The following SLC38A1 variants were observed in gnomAD, a reference collection of about 807,000 sequenced individuals.
SLC38A1 encodes sodium-coupled neutral amino acid symporter 1.
SLC38A1 carries 18 observed loss-of-function variants against 60.3 expected under a neutral mutation model. The ratio of observed to expected loss-of-function variants is 0.30; its 90% CI spans 0.21 to 0.44. The LOEUF is 0.44. Among genes scored for constraint, SLC38A1 ranks in the 20% least tolerant of loss-of-function variants. SLC38A1 has a pLI of 1.00. For missense variants in SLC38A1, 448 were observed against 587.2 expected, an observed-to-expected ratio of 0.76 and a Z score of 2.45; for synonymous variants, 196 against 212.1, an observed-to-expected ratio of 0.92 and a Z score of 0.66.
chr12:46,253,140 A>G, intron 1 of SLC38A1, among the ~76,000 whole-genome samples: 1 of 152,154 alleles, frequency 6.6e-6, no homozygotes, highest in East Asian at 1.9e-4. Flanking sequence ...GAGCAAATGT[A>G]CAACATGAGG....
chr12:46,193,130 C>T (rs10880933), intron 16 of SLC38A1, among the ~76,000 whole-genome samples: 81,670 of 152,054 alleles, frequency 0.54, 23,501 homozygotes, highest in African/African-American at 0.76. Context: ...TGGTACATTG[C>T]GTCTTGGTTC....
Position 46,184,035 on chromosome 12 carries a change from A to G in SLC38A1, c.*4935T>C, listed in dbSNP as rs1332165955. 1 of 152,660 alleles carries G rather than the reference A, an allele frequency of 6.6e-6. No individual in the cohort carries two copies. The highest frequency in any genetic ancestry group is 1.5e-5 in the Non-Finnish European group (1 of 68,042). 9.5% of individuals were successfully genotyped at this position (152,660 alleles called of 1,614,324 possible). ...ACATACAAATGAAGTATTTCCTGCA[A>G]TAAGCCTCAGCTGCATAGATTCTTC... On this transcript the variant is annotated 3_prime_UTR_variant, in exon 17 of 17. Coordinates refer to ENST00000398637, the MANE Select transcript of SLC38A1 (RefSeq NM_030674.4).
chr12:46,231,383 A>G (rs1179632529), intron 3 of SLC38A1, among the ~76,000 whole-genome samples: 1 of 152,248 alleles, frequency 6.6e-6, no homozygotes, highest in African/African-American at 2.4e-5. Context: ...ACCACTATGT[A>G]TTATATTTGT....
At chr12:46,259,633 T>TA (rs1942138139) in intron 1 of SLC38A1, among the ~76,000 whole-genome samples, 1 of 152,126 alleles carries the variant, frequency 6.6e-6, no homozygotes, top group Non-Finnish European at 1.5e-5. Context: ...TGGGGAATAA[T>TA]AAAAATGGCC....
chr12:46,201,040 A>G, intron 13 of SLC38A1, 58 bp downstream of exon 13: 1 of 1,223,168 alleles, frequency 8.2e-7, no homozygotes. Context: ...TTTCAACACT[A>G]ATTTTTACTA....
At chr12:46,215,795 G>A (rs12300519) in intron 5 of SLC38A1, among the ~76,000 whole-genome samples, 1 of 152,136 alleles carries the variant, frequency 6.6e-6, no homozygotes, top group African/African-American at 2.4e-5. Flanking sequence ...CCAGTTAGAA[G>A]TATAAAACTT....
intron 5 of SLC38A1, among the ~76,000 whole-genome samples, chr12:46,224,722 G>A (rs1445447601): frequency 6.6e-6 from 1 of 152,192 alleles, no homozygotes; most frequent in Non-Finnish European, 1.5e-5. Context: ...TCCTTGTCCT[G>A]AGGTAGGAGA....
At position 46,220,490 on chromosome 12, in the gene SLC38A1, C is replaced by A. The variant is rs377252397; in HGVS notation, c.314+8663G>T. Among the ~76,000 whole-genome samples the A allele has an allele frequency of 4.1e-4, 62 of 152,296 alleles. 1 individual carries two copies. The East Asian group carries it at 5.0e-3, about 12-fold the overall frequency. On this transcript the variant is annotated intron_variant, in intron 5 of 16. Coordinates refer to ENST00000398637, the MANE Select transcript of SLC38A1 (RefSeq NM_030674.4). ...AGGATCATCCGGAAGAGTAGGGTTT[C>A]CTTATTGACTTCCTCTTAACTGCTC...
intron 5 of SLC38A1, among the ~76,000 whole-genome samples, chr12:46,213,024 C>A (rs899566045): frequency 6.6e-6 from 1 of 152,150 alleles, no homozygotes; most frequent in East Asian, 1.9e-4. Flanking sequence ...ATCTTTAATT[C>A]TTTGAACTGT....
intron 3 of SLC38A1, among the ~76,000 whole-genome samples, chr12:46,229,895 C>A (rs973223553): frequency 6.6e-6 from 1 of 152,134 alleles, no homozygotes; most frequent in South Asian, 2.1e-4. Context: ...ATTTTTATAT[C>A]CTGCACTCTA....
In SLC38A1 at chr12:46,229,140, C is replaced by T. The variant is rs1340688431; in HGVS notation, c.314+13G>A. The T allele has an allele frequency of 4.6e-6, 7 of 1,517,566 alleles. No homozygotes were observed. The highest frequency in any genetic ancestry group is 1.7e-4 in the Middle Eastern group (1 of 5,926). The allele number at this position is 1,517,566 out of a possible 1,614,324, so 94.0% of individuals were successfully genotyped here. ...AGTTTTAAAATGGAAAGTACCGGCA[C>T]GTCAATACTCACAGAAAAAGTAGGA... On this transcript the variant is annotated intron_variant, in intron 5 of 16. Transcript: ENST00000398637.
chr12:46,193,944 A>T (rs1939256987), intron 16 of SLC38A1, among the ~76,000 whole-genome samples: 1 of 152,076 alleles, frequency 6.6e-6, no homozygotes, highest in Admixed American at 6.5e-5. Flanking sequence ...TTTGAGGTTA[A>T]TATTGTTATG....
chr12:46,239,536 T>C (rs1941371306), intron 3 of SLC38A1, 143 bp downstream of exon 3: 1 of 813,690 alleles, frequency 1.2e-6, no homozygotes, highest in Non-Finnish European at 1.9e-6. Context: ...TGTTGGTGGG[T>C]TTCACCATGT....
At position 46,184,162 on chromosome 12, in the gene SLC38A1, T is replaced by C. The variant is rs1239294409; in HGVS notation, c.*4808A>G. ...AGGAAAATGTCTGCACCTTGTGAAC[T>C]TTACATATTTTGCAAGAACTTTCTC... On this transcript the variant is annotated 3_prime_UTR_variant, in exon 17 of 17. Coordinates refer to ENST00000398637, the MANE Select transcript of SLC38A1 (RefSeq NM_030674.4). 1 of 152,568 alleles carries C rather than the reference T, an allele frequency of 6.6e-6. No homozygotes were observed. Among genetic ancestry groups the C allele is most frequent in the Non-Finnish European group, 1.5e-5 (1 of 68,036 alleles). 9.5% of individuals were successfully genotyped at this position (152,568 alleles called of 1,614,324 possible).
At chr12:46,248,216 C>T (rs2138565926) in intron 1 of SLC38A1, among the ~76,000 whole-genome samples, 1 of 152,222 alleles carries the variant, frequency 6.6e-6, no homozygotes, top group African/African-American at 2.4e-5. Context: ...GGGCTAAATG[C>T]CCCAATTAAA....
chr12:46,197,909 G>C lies in SLC38A1; in HGVS notation c.1264+10C>G. Reference sequence around the variant, plus strand: ...TGTAGAATGACAAGCACAAAGTCATGAAGCCATACCTACGACTCCAAAAAT... The same window carrying C: ...TGTAGAATGACAAGCACAAAGTCATCAAGCCATACCTACGACTCCAAAAAT... On this transcript the variant is annotated intron_variant, in intron 15 of 16. Coordinates refer to ENST00000398637, the MANE Select transcript of SLC38A1 (RefSeq NM_030674.4). The C allele has an allele frequency of 6.8e-6, 11 of 1,613,598 alleles. No homozygotes were observed. The highest frequency in any genetic ancestry group is 9.3e-6 in the Non-Finnish European group (11 of 1,179,848).
intron 1 of SLC38A1, among the ~76,000 whole-genome samples, chr12:46,258,711 T>G (rs1942107593): frequency 6.6e-6 from 1 of 152,196 alleles, no homozygotes; most frequent in Non-Finnish European, 1.5e-5. Flanking sequence ...TGGAGTGTAG[T>G]GATGAGATCT....
Position 46,206,444 on chromosome 12 carries a change from G to T in SLC38A1, c.564-282C>A, listed in dbSNP as rs377576317. Among the ~76,000 whole-genome samples, 374 of 151,744 alleles carry T rather than the reference G, an allele frequency of 2.5e-3. 13 individuals carry two copies. In the South Asian group the frequency reaches 0.073, roughly 30 times the overall value. On this transcript the variant is annotated intron_variant, in intron 8 of 16. Transcript: ENST00000398637. ...GAATTATTTACATGGTTTCAAAGCT[G>T]AATGCACACATTTCATTCTGTCAGA... is the stretch of plus-strand genomic sequence containing the variant.
At chr12:46,248,606 G>T (rs1194497015) in intron 1 of SLC38A1, among the ~76,000 whole-genome samples, 1 of 151,984 alleles carries the variant, frequency 6.6e-6, no homozygotes, top group African/African-American at 2.4e-5. Context: ...CCATTAGACA[G>T]ATCAACGAGA....
Sources: gnomAD v4.1 joint callset for allele counts (sites outside exome capture counted in the v4.1 genomes callset) on GRCh38, gnomAD v4.1.1 for gene constraint, MANE v1.5 for transcripts, NCBI Gene and HGNC (gene_info 2026-07-23, HGNC 2026-07-21) for gene names.